Variants in MAD1L1 observed in about 807,000 individuals in gnomAD.
MAD1L1 encodes the protein mitotic spindle assembly checkpoint protein MAD1.
In MAD1L1, 95 loss-of-function variants were observed where a neutral mutation model predicts 96.9. The ratio of observed to expected loss-of-function variants is 0.98; its 90% CI spans 0.83 to 1.16. The LOEUF (loss-of-function observed/expected upper bound fraction) is 1.16, where lower values mean the gene tolerates loss of function less well. Among genes scored for constraint, MAD1L1 ranks in the 50% most tolerant of loss-of-function variants. The probability of loss-of-function intolerance (pLI) is 0.00; values close to 1 mark genes in which losing one functional copy is unlikely to be tolerated. For synonymous variants in MAD1L1, 473 were observed against 396.6 expected (o/e 1.19, Z -2.29); for missense variants, 1,007 against 954.4 (o/e 1.06, Z -0.73).
chr7:1,988,673 A>C (rs1781270449), intron 14 of MAD1L1, among the ~76,000 whole-genome samples: 2 of 152,154 alleles, frequency 1.3e-5, no homozygotes, highest in Admixed American at 1.3e-4. Flanking sequence ...GTGGCTGGGG[A>C]GGGCAGCGCC....
rs899692506 is a variant in MAD1L1, at chr7:2,020,406, G to A, written c.1219-5764C>T. Among the ~76,000 whole-genome samples, 3 of 152,222 alleles carry A rather than the reference G, an allele frequency of 2.0e-5. No individual in the cohort carries two copies. The East Asian group carries it at 5.8e-4, about 29-fold the overall frequency. ...GCGGCCCCCACCCTTGCCTTCCTGC[G>A]GCTCTGACCCTGCAGTTCCCAGCAG... On this transcript the variant is annotated intron_variant, in intron 12 of 18. Coordinates refer to ENST00000265854, the MANE Select transcript of MAD1L1 (RefSeq NM_001013836.2).
chr7:1,951,307 G>T (rs184114672), intron 16 of MAD1L1, among the ~76,000 whole-genome samples: 25 of 152,382 alleles, frequency 1.6e-4, no homozygotes, highest in Admixed American at 1.2e-3. Context: ...AGGAAGGCAG[G>T]AGTGACCGAA....
intron 18 of MAD1L1, among the ~76,000 whole-genome samples, chr7:1,885,184 G>A (rs554423433): frequency 5.6e-4 from 85 of 152,220 alleles, no homozygotes; most frequent in African/African-American, 1.9e-3. Context: ...AGATGGCTCC[G>A]GGCTCCTGCA....
chr7:1,884,939 G>C (rs916025903), intron 18 of MAD1L1, among the ~76,000 whole-genome samples: 1 of 152,228 alleles, frequency 6.6e-6, no homozygotes, highest in African/African-American at 2.4e-5. Flanking sequence ...CACCCCTCAC[G>C]TCGCCCTCCG....
At chr7:2,063,304 T>C (rs1455872711) in intron 12 of MAD1L1, among the ~76,000 whole-genome samples, 1 of 151,994 alleles carries the variant, frequency 6.6e-6, no homozygotes, top group African/African-American at 2.4e-5. Flanking sequence ...CCCCTGGGAG[T>C]CCCTGGCTCC....
At chr7:2,010,506 T>C (rs777905524) in intron 13 of MAD1L1, among the ~76,000 whole-genome samples, 67 of 152,240 alleles carry the variant, frequency 4.4e-4, no homozygotes, top group Non-Finnish European at 8.1e-4. Flanking sequence ...TTTATAGCTC[T>C]ATCCACAGAG....
At chr7:2,132,491 A>T (rs1788566802) in intron 11 of MAD1L1, among the ~76,000 whole-genome samples, 5 of 151,850 alleles carry the variant, frequency 3.3e-5, no homozygotes, top group Admixed American at 3.3e-4. Context: ...CTGCGTGTCC[A>T]CCATCACGGC....
intron 17 of MAD1L1, among the ~76,000 whole-genome samples, chr7:1,931,071 C>T (rs1375715258): frequency 4.1e-5 from 6 of 145,158 alleles, no homozygotes; most frequent in African/African-American, 8.1e-5. Context: ...AACTCCTCAC[C>T]CCACCCACGG....
chr7:1,838,659 G>A (rs1236388720), intron 18 of MAD1L1: 2 of 429,188 alleles, frequency 4.7e-6, no homozygotes, highest in African/African-American at 2.0e-5. Context: ...AGCGGCTGCC[G>A]ACGGCTGGGA....
intron 10 of MAD1L1, among the ~76,000 whole-genome samples, chr7:2,196,419 C>T (rs1477132434): frequency 2.0e-5 from 3 of 152,238 alleles, no homozygotes; most frequent in Non-Finnish European, 4.4e-5. Flanking sequence ...TCCAACAAGG[C>T]CGTCTCCAAC....
At chr7:2,228,028 AGAG>A (rs201934072) in intron 3 of MAD1L1, among the ~76,000 whole-genome samples, 25,095 of 151,984 alleles carry the variant, frequency 0.17, 2,278 homozygotes, top group Middle Eastern at 0.26. Context: ...TCAGCAGGAG[AGAG>A]AGAACCACGA....
At chr7:2,229,540 C>T (rs1489742918) in intron 3 of MAD1L1, among the ~76,000 whole-genome samples, 4 of 152,256 alleles carry the variant, frequency 2.6e-5, no homozygotes, top group African/African-American at 7.2e-5. Flanking sequence ...CCACAAAACA[C>T]CCAGTCCTTC....
chr7:2,048,157 G>A (rs867551156), intron 12 of MAD1L1, among the ~76,000 whole-genome samples: 5 of 152,282 alleles, frequency 3.3e-5, no homozygotes, highest in South Asian at 2.1e-4. Flanking sequence ...GCACCGACAC[G>A]GGTGTGTTCA....
intron 18 of MAD1L1, among the ~76,000 whole-genome samples, chr7:1,876,741 T>C (rs1313952163): frequency 6.6e-6 from 1 of 150,556 alleles, no homozygotes; most frequent in Admixed American, 6.7e-5. Context: ...TCTCAAAACC[T>C]AGGCTCTGGA....
intron 18 of MAD1L1, among the ~76,000 whole-genome samples, chr7:1,839,446 C>T (rs145891091): frequency 0.013 from 1,987 of 152,052 alleles, 17 homozygotes; most frequent in Non-Finnish European, 0.019. Context: ...GCCAGCTGCC[C>T]GCAGGACAAG....
In MAD1L1 at chr7:1,815,871, C is replaced by T. The variant is rs925202509; in HGVS notation, c.*199G>A. 39 of 588,824 alleles carry T rather than the reference C, an allele frequency of 6.6e-5. No individual in the cohort carries two copies. Among genetic ancestry groups the T allele is most frequent in the Non-Finnish European group, 7.9e-5 (27 of 340,346 alleles). 36.5% of individuals were successfully genotyped at this position (588,824 alleles called of 1,614,324 possible). A position where few individuals can be genotyped will look rare whatever the true frequency, so the allele number is the denominator to read the frequency against. On this transcript the variant is annotated 3_prime_UTR_variant, in exon 19 of 19. Transcript: ENST00000265854. ...GACGCCCACACACCAGGCTCCGGGACGCATGGGGTCTGCACGTGGAGAGGG... is the reference window on the plus strand; with the variant it reads ...GACGCCCACACACCAGGCTCCGGGATGCATGGGGTCTGCACGTGGAGAGGG...
At chr7:1,897,804 G>A (rs1425118462) in intron 18 of MAD1L1, among the ~76,000 whole-genome samples, 2 of 152,222 alleles carry the variant, frequency 1.3e-5, no homozygotes, top group Non-Finnish European at 2.9e-5. Flanking sequence ...GCGCAGCCTG[G>A]CATCTTGGAA....
intron 12 of MAD1L1, among the ~76,000 whole-genome samples, chr7:2,018,220 T>A (rs888967823): frequency 1.6e-4 from 24 of 152,086 alleles, no homozygotes; most frequent in African/African-American, 5.8e-4. Flanking sequence ...TGTGTGACCT[T>A]GGGAAAAACA....
intron 17 of MAD1L1, among the ~76,000 whole-genome samples, chr7:1,921,505 T>C (rs1788794282): frequency 1.3e-5 from 2 of 152,224 alleles, no homozygotes; most frequent in South Asian, 4.2e-4. Flanking sequence ...GTGTTTTTAG[T>C]AGAGACAGGG....
Sources: allele counts gnomAD v4.1 joint callset (sites outside exome capture counted in the v4.1 genomes callset), GRCh38; gene constraint gnomAD v4.1.1; transcripts MANE v1.5; gene names NCBI Gene and HGNC (gene_info 2026-07-23, HGNC 2026-07-21).